Variants in NRXN1 observed in about 807,000 individuals in gnomAD.
NRXN1 encodes neurexin 1.
NRXN1 carries 39 observed loss-of-function variants against 150.9 expected under a neutral mutation model. The ratio of observed to expected loss-of-function variants is 0.26; its 90% CI spans 0.20 to 0.34. The LOEUF is 0.34. Ranked by LOEUF, NRXN1 falls within the 10% of genes least tolerant of loss-of-function variation. The pLI is 1.00. For synonymous variants in NRXN1, 924 were observed against 757.0 expected, an observed-to-expected ratio of 1.22 and a Z score of -3.62; for missense variants, 1,815 against 1,949.9, an observed-to-expected ratio of 0.93 and a Z score of 1.30.
chr2:50,145,192 C>A (rs1324990645), intron 18 of NRXN1, among the ~76,000 whole-genome samples: 1 of 151,210 alleles, frequency 6.6e-6, no homozygotes, highest in Non-Finnish European at 1.5e-5. Flanking sequence ...AGAAAAGGTG[C>A]AAAAAAAGCA....
rs139986979 is a variant in NRXN1 at position 50,924,206 on chromosome 2, C to T, written c.791-1519G>A. On this transcript the variant is annotated intron_variant, in intron 3 of 22. Transcript: ENST00000401669. The stretch of plus-strand genomic sequence containing the variant: ...TAGAAAATATATTAGGTACTTCCAA[C>T]GGTTTTGATGCTACATCAATAAGGA... 5.0e-3 allele frequency among the ~76,000 whole-genome samples: 754 copies of T among 151,818 alleles called. 5 individuals carry two copies. The highest frequency in any genetic ancestry group is 0.018 in the African/African-American group (735 of 41,502).
chr2:50,093,694 C>A (rs967698144), intron 18 of NRXN1, among the ~76,000 whole-genome samples: 2 of 152,022 alleles, frequency 1.3e-5, no homozygotes, highest in Non-Finnish European at 2.9e-5. Flanking sequence ...TCCTAACAAC[C>A]AAACACATAC....
chr2:50,130,748 G>A (rs1311371884), intron 18 of NRXN1, among the ~76,000 whole-genome samples: 3 of 152,122 alleles, frequency 2.0e-5, no homozygotes, highest in Non-Finnish European at 4.4e-5. Context: ...ATGTTAATCA[G>A]CATTATGACC....
At chr2:50,529,958 T>C (rs2093055469) in intron 11 of NRXN1, among the ~76,000 whole-genome samples, 1 of 152,214 alleles carries the variant, frequency 6.6e-6, no homozygotes, top group African/African-American at 2.4e-5. Flanking sequence ...TTATATTTTA[T>C]GAGTTATCGT....
At chr2:50,854,281 C>T (rs192650150) in intron 5 of NRXN1, among the ~76,000 whole-genome samples, 89 of 152,146 alleles carry the variant, frequency 5.8e-4, no homozygotes, top group African/African-American at 1.2e-3. Context: ...ACTTAACTGG[C>T]TAAAAATACG....
chr2:50,541,092 G>C (rs1267233747), intron 9 of NRXN1, among the ~76,000 whole-genome samples: 1 of 152,218 alleles, frequency 6.6e-6, no homozygotes, highest in Non-Finnish European at 1.5e-5. Context: ...GAGAAATTGA[G>C]AAGAAATGTT....
chr2:50,807,180 C>T (rs953944687), intron 5 of NRXN1, among the ~76,000 whole-genome samples: 1 of 151,952 alleles, frequency 6.6e-6, no homozygotes, highest in Non-Finnish European at 1.5e-5. Context: ...TCTTTGTCTC[C>T]TATTATAAGA....
At chr2:50,310,238 TG>T (rs776593393) in intron 17 of NRXN1, among the ~76,000 whole-genome samples, 31 of 152,230 alleles carry the variant, frequency 2.0e-4, no homozygotes, top group Non-Finnish European at 2.6e-4. Context: ...TTTCATTTCT[TG>T]GATAAGTTAA....
At chr2:50,649,893 A>G (rs370501153) in intron 5 of NRXN1, among the ~76,000 whole-genome samples, 1 of 152,002 alleles carries the variant, frequency 6.6e-6, no homozygotes, top group Non-Finnish European at 1.5e-5. Flanking sequence ...CTGTCCCTAA[A>G]TGAAGAAAAA....
intron 18 of NRXN1, among the ~76,000 whole-genome samples, chr2:50,221,251 G>A (rs1044789350): frequency 6.6e-6 from 1 of 151,902 alleles, no homozygotes; most frequent in Non-Finnish European, 1.5e-5. Flanking sequence ...ACTGAAATCT[G>A]GGATTATTAG....
chr2:50,279,537 T>C (rs2071117253), intron 17 of NRXN1, among the ~76,000 whole-genome samples: 1 of 152,192 alleles, frequency 6.6e-6, no homozygotes, highest in Non-Finnish European at 1.5e-5. Context: ...ATGATTATCC[T>C]AGTTTAGGTA....
intron 15 of NRXN1, among the ~76,000 whole-genome samples, chr2:50,476,057 T>G (rs1037320542): frequency 6.6e-6 from 1 of 152,066 alleles, no homozygotes; most frequent in Admixed American, 6.6e-5. Context: ...AGTGGCTGAT[T>G]TTTAATTCAT....
chr2:50,725,688 T>C (rs1697264218), intron 5 of NRXN1, among the ~76,000 whole-genome samples: 1 of 152,132 alleles, frequency 6.6e-6, no homozygotes, highest in South Asian at 2.1e-4. Flanking sequence ...TTAAATAAAA[T>C]AAGCAAAAAC....
chr2:50,204,310 A>T (rs2062404211), intron 18 of NRXN1, among the ~76,000 whole-genome samples: 1 of 151,620 alleles, frequency 6.6e-6, no homozygotes, highest in African/African-American at 2.4e-5. Context: ...ACAAAAAATA[A>T]AGTTATTTGA....
intron 17 of NRXN1, among the ~76,000 whole-genome samples, chr2:50,456,068 C>T (rs115504374): frequency 0.011 from 1,677 of 152,232 alleles, 31 homozygotes; most frequent in African/African-American, 0.039. Context: ...ATTCCATCTG[C>T]TTCTCTCCCT....
At chr2:50,555,670 A>G (rs1668129263) in intron 8 of NRXN1, among the ~76,000 whole-genome samples, 1 of 152,188 alleles carries the variant, frequency 6.6e-6, no homozygotes, top group South Asian at 2.1e-4. Flanking sequence ...TCACCTTTTT[A>G]AACCTAGTTT....
intron 2 of NRXN1, among the ~76,000 whole-genome samples, chr2:50,962,171 A>G (rs940606700): frequency 6.6e-6 from 1 of 151,858 alleles, no homozygotes; most frequent in Admixed American, 6.6e-5. Context: ...CATAAATAAC[A>G]AACGGCATGC....
At chr2:50,558,128 T>C (rs1175974927) in intron 8 of NRXN1, among the ~76,000 whole-genome samples, 1 of 152,030 alleles carries the variant, frequency 6.6e-6, no homozygotes, top group Admixed American at 6.6e-5. Context: ...CTTATAAGAG[T>C]TTTATATATA....
At chr2:50,821,666 T>C (rs2105828810) in intron 5 of NRXN1, among the ~76,000 whole-genome samples, 1 of 152,276 alleles carries the variant, frequency 6.6e-6, no homozygotes, top group Non-Finnish European at 1.5e-5. Context: ...TAAAATGATG[T>C]ACTGAATTAT....
Sources: gnomAD v4.1 joint callset for allele counts (sites outside exome capture counted in the v4.1 genomes callset) on GRCh38, gnomAD v4.1.1 for gene constraint, MANE v1.5 for transcripts, NCBI Gene and HGNC (gene_info 2026-07-23, HGNC 2026-07-21) for gene names.